The following PRKCB variants were observed in gnomAD, a reference collection of about 807,000 sequenced individuals.
PRKCB encodes protein kinase C beta type.
In PRKCB, 13 loss-of-function variants were observed where a neutral mutation model predicts 81.5. The observed-to-expected ratio is 0.16, with a 90% CI of 0.10 to 0.25. PRKCB has a LOEUF of 0.25. Among genes scored for constraint, PRKCB ranks in the 10% least tolerant of loss-of-function variants. PRKCB has a pLI of 1.00. For synonymous variants in PRKCB, 335 were observed against 321.4 expected, an observed-to-expected ratio of 1.04 and a Z score of -0.45; for missense variants, 509 against 875.7, an observed-to-expected ratio of 0.58 and a Z score of 5.29.
chr16:24,036,330 G>A (rs1415595742), intron 5 of PRKCB, among the ~76,000 whole-genome samples: 1 of 152,140 alleles, frequency 6.6e-6, no homozygotes, highest in Non-Finnish European at 1.5e-5. Flanking sequence ...CTGGCTTGAG[G>A]AATACTCAGC....
In PRKCB at chr16:24,197,210, C is replaced by T. The variant is rs539559735; in HGVS notation, c.1863+5980C>T. ...TAAACATAGAAACAAGTAAAATATACGATGTGTCAGAAGTTGATAAACATT... is the reference window on the plus strand; with the variant it reads ...TAAACATAGAAACAAGTAAAATATATGATGTGTCAGAAGTTGATAAACATT... On this transcript the variant is annotated intron_variant, in intron 16 of 16. Coordinates refer to ENST00000643927, the MANE Select transcript of PRKCB (RefSeq NM_002738.7). Among the ~76,000 whole-genome samples the T allele has an allele frequency of 8.5e-5, 13 of 152,134 alleles. No homozygotes were observed. The South Asian group carries it at 1.2e-3, about 15-fold the overall frequency.
At chr16:24,214,463 G>T (rs533073468) in intron 16 of PRKCB, among the ~76,000 whole-genome samples, 195 bp from the exon 17 acceptor site, 1 of 152,082 alleles carries the variant, frequency 6.6e-6, no homozygotes, top group African/African-American at 2.4e-5. Context: ...ACCCAAGGTC[G>T]TGCACCAAAG....
rs1373406183 is a variant in PRKCB at position 24,185,528 on chromosome 16, C to A, written c.1683C>A (p.Pro561=). 5 of 1,613,996 alleles carry A rather than the reference C, an allele frequency of 3.1e-6. No homozygotes were observed. The highest frequency in any genetic ancestry group is 3.3e-4 in the Middle Eastern group (2 of 6,084). ...QSIMEHNVAY[P]KSMSKEAVAI... ...TCATGGAACACAACGTAGCCTATCC[C>A]AAGTCTATGTCCAAGGAAGCTGTGG... Residue 561 remains proline, a synonymous_variant, in exon 15 of 17, where the codon CCC becomes CCA. Transcript: ENST00000643927.
intron 2 of PRKCB, among the ~76,000 whole-genome samples, chr16:23,928,419 C>T (rs984828353): frequency 3.9e-5 from 6 of 152,120 alleles, no homozygotes; most frequent in African/African-American, 4.8e-5. Context: ...TGAGCCACCG[C>T]GCCCGGCCCA....
At chr16:23,997,359 C>A (rs988947321) in intron 3 of PRKCB, among the ~76,000 whole-genome samples, 1 of 152,212 alleles carries the variant, frequency 6.6e-6, no homozygotes, top group Non-Finnish European at 1.5e-5. Context: ...CAACTCAATA[C>A]AGGCAAAACT....
intron 2 of PRKCB, among the ~76,000 whole-genome samples, chr16:23,915,363 C>T (rs1381208014): frequency 1.3e-5 from 2 of 152,072 alleles, no homozygotes; most frequent in African/African-American, 4.8e-5. Flanking sequence ...GAGCCATTGC[C>T]TTGCCCCGGA....
intron 16 of PRKCB, among the ~76,000 whole-genome samples, chr16:24,201,556 C>T (rs1596596409): frequency 6.6e-6 from 1 of 152,174 alleles, no homozygotes; most frequent in East Asian, 1.9e-4. Context: ...GTCATATGCC[C>T]ATCTCTAAGG....
rs531758846 is a variant in PRKCB, at chr16:23,885,336, T to G, written c.205+47930T>G. ...TTTTCTTTTCTTTTTTGAGACGGAG[T>G]CTTGCTCTGTCACCCAGGCTGGAGT... On this transcript the variant is annotated intron_variant, in intron 2 of 16. Transcript: ENST00000643927. Among the ~76,000 whole-genome samples, 3 of 152,174 alleles carry G rather than the reference T, an allele frequency of 2.0e-5. No homozygotes were observed. The South Asian group carries it at 6.2e-4, about 32-fold the overall frequency.
chr16:24,151,992 GGCCCCT>G (rs1967087328), intron 9 of PRKCB: 1 of 431,986 alleles, frequency 2.3e-6, no homozygotes. Flanking sequence ...AGGTGTCTAG[GGCCCCT>G]CCTTCTCTCG....
At chr16:24,185,087 G>A (rs764496584) in intron 13 of PRKCB, 24 bp from the exon 14 acceptor site, 2 of 1,606,896 alleles carry the variant, frequency 1.2e-6, no homozygotes, top group African/African-American at 1.3e-5. Flanking sequence ...AAACCTCCCT[G>A]ATAGGGTGCC....
At chr16:23,965,129 A>G (rs1216123156) in intron 2 of PRKCB, among the ~76,000 whole-genome samples, 1 of 152,210 alleles carries the variant, frequency 6.6e-6, no homozygotes, top group East Asian at 1.9e-4. Context: ...AGTACCTGAT[A>G]GTAGTTTTTG....
At chr16:23,847,120 A>G (rs1449114460) in intron 2 of PRKCB, among the ~76,000 whole-genome samples, 1 of 152,126 alleles carries the variant, frequency 6.6e-6, no homozygotes, top group Non-Finnish European at 1.5e-5. Context: ...TAGTTCAACC[A>G]TAGCTGTGTT....
At chr16:23,973,855 GA>G (rs1173022676) in intron 2 of PRKCB, among the ~76,000 whole-genome samples, 1 of 151,932 alleles carries the variant, frequency 6.6e-6, no homozygotes, top group Non-Finnish European at 1.5e-5. Context: ...TGTTTTTGCA[GA>G]GATAGGGTTT....
intron 8 of PRKCB, among the ~76,000 whole-genome samples, chr16:24,114,062 C>CA (rs1273053387): frequency 6.6e-5 from 10 of 151,102 alleles, no homozygotes; most frequent in Middle Eastern, 3.4e-3. Flanking sequence ...ACTAAAAATA[C>CA]AAAAAAATTA....
At chr16:24,039,655 GTGAGGAGGCTTCTGTGCAGT>G (rs1470355940) in intron 5 of PRKCB, among the ~76,000 whole-genome samples, 4 of 152,198 alleles carry the variant, frequency 2.6e-5, no homozygotes, top group Non-Finnish European at 4.4e-5. Flanking sequence ...AACTTCCCAG[GTGAGGAGGCTTCTGTGCAGT>G]TGAGGACAGT....
At chr16:24,150,540 T>C (rs1258703699) in intron 9 of PRKCB, among the ~76,000 whole-genome samples, 3 of 152,196 alleles carry the variant, frequency 2.0e-5, no homozygotes, top group African/African-American at 7.2e-5. Context: ...CAGAAGGTTC[T>C]TCTAATAACA....
chr16:24,177,067 G>A (rs1355640218), intron 12 of PRKCB, among the ~76,000 whole-genome samples: 1 of 152,158 alleles, frequency 6.6e-6, no homozygotes, highest in Non-Finnish European at 1.5e-5. Flanking sequence ...TGTGGGATGT[G>A]CCTCTACTAA....
intron 7 of PRKCB, among the ~76,000 whole-genome samples, chr16:24,103,898 C>T (rs781610482): frequency 3.9e-5 from 6 of 152,142 alleles, no homozygotes; most frequent in Admixed American, 1.3e-4. Context: ...CTCCGCCTTC[C>T]GGGTTCAAGC....
In PRKCB at chr16:23,984,294, G is replaced by C. The variant is rs554031567; in HGVS notation, c.206-4214G>C. On this transcript the variant is annotated intron_variant, in intron 2 of 16. Coordinates refer to ENST00000643927, the MANE Select transcript of PRKCB (RefSeq NM_002738.7). ...TTCTGACAACACCACTGTGATATGG[G>C]TCCTATTGTTGCTGTCATTTTCCAG... 5.3e-4 allele frequency among the ~76,000 whole-genome samples: 80 copies of C among 152,256 alleles called. 1 individual carries two copies. The Middle Eastern group carries it at 0.02, about 39-fold the overall frequency.
Sources: allele counts gnomAD v4.1 joint callset (sites outside exome capture counted in the v4.1 genomes callset), GRCh38; gene constraint gnomAD v4.1.1; transcripts MANE v1.5; gene names NCBI Gene and HGNC (gene_info 2026-07-23, HGNC 2026-07-21).